Variants in TMEM108 observed in about 807,000 individuals in gnomAD.
The protein encoded by TMEM108 is transmembrane protein 108.
In TMEM108, 12 loss-of-function variants were observed where a neutral mutation model predicts 35.1. The ratio of observed to expected loss-of-function variants is 0.34; its 90% CI spans 0.22 to 0.55. The LOEUF (loss-of-function observed/expected upper bound fraction) is 0.55, where lower values mean the gene tolerates loss of function less well. TMEM108 is among the 20% of genes least tolerant of loss of function. TMEM108 has a pLI of 0.89. For synonymous variants in TMEM108, 287 were observed against 308.6 expected (o/e 0.93, Z 0.73); for missense variants, 680 against 753.3 (o/e 0.90, Z 1.14).
intron 3 of TMEM108, among the ~76,000 whole-genome samples, chr3:133,355,161 A>G (rs777278143): frequency 6.6e-6 from 1 of 152,230 alleles, no homozygotes; most frequent in African/African-American, 2.4e-5. Flanking sequence ...GTGAATGGTT[A>G]TAAAGAAGAA....
intron 2 of TMEM108, among the ~76,000 whole-genome samples, chr3:133,184,294 A>T (rs1447364790): frequency 6.6e-6 from 1 of 152,216 alleles, no homozygotes; most frequent in East Asian, 1.9e-4. Flanking sequence ...ATAACATTTA[A>T]ATTTAATTTA....
chr3:133,221,411 C>G (rs1358021603), intron 2 of TMEM108, among the ~76,000 whole-genome samples: 3 of 152,114 alleles, frequency 2.0e-5, no homozygotes, highest in Non-Finnish European at 2.9e-5. Flanking sequence ...GAACTGGTGC[C>G]AAGACCAAAT....
chr3:133,242,417 T>C (rs1401942807), intron 3 of TMEM108, among the ~76,000 whole-genome samples: 1 of 152,184 alleles, frequency 6.6e-6, no homozygotes, highest in Non-Finnish European at 1.5e-5. Context: ...ATACAGTTTT[T>C]TGGAGAAGTT....
At chr3:133,167,766 C>T (rs930428694) in intron 2 of TMEM108, among the ~76,000 whole-genome samples, 5 of 152,208 alleles carry the variant, frequency 3.3e-5, no homozygotes, top group Non-Finnish European at 5.9e-5. Context: ...TTCCCACCCG[C>T]GCCTCTCCCT....
intron 3 of TMEM108, among the ~76,000 whole-genome samples, chr3:133,315,354 C>G (rs560541056): frequency 2.0e-5 from 3 of 152,298 alleles, no homozygotes; most frequent in African/African-American, 7.2e-5. Context: ...TCCCTCCTCC[C>G]TCCAATCTTT....
chr3:133,196,906 G>C (rs1945586522), intron 2 of TMEM108, among the ~76,000 whole-genome samples: 3 of 152,210 alleles, frequency 2.0e-5, no homozygotes, highest in Admixed American at 6.5e-5. Flanking sequence ...TTTCTCGTTA[G>C]CCAGAATTGT....
intron 4 of TMEM108, chr3:133,387,657 G>A (rs1210240460): frequency 1.4e-6 from 1 of 722,946 alleles, no homozygotes; most frequent in East Asian, 1.3e-4. Context: ...TAAGAATGTA[G>A]GCTGGGGGAA....
intron 2 of TMEM108, among the ~76,000 whole-genome samples, chr3:133,143,477 A>C (rs1209216233): frequency 2.0e-5 from 3 of 152,116 alleles, no homozygotes; most frequent in East Asian, 3.8e-4. Flanking sequence ...GCATCATTTA[A>C]TTTTATCATA....
Position 133,110,634 on chromosome 3 carries a change from T to C in TMEM108, c.-47+64614T>C, listed in dbSNP as rs540950898. Among the ~76,000 whole-genome samples the C allele has an allele frequency of 1.7e-4, 26 of 152,312 alleles. No homozygotes were observed. The South Asian group carries it at 5.4e-3, about 32-fold the overall frequency. Reference sequence around the variant, plus strand: ...GTGAATCCATTGCTGATCTGTGTTATATCACAGGGCCAGAGGGATACTGAG... The same window carrying C: ...GTGAATCCATTGCTGATCTGTGTTACATCACAGGGCCAGAGGGATACTGAG... On this transcript the variant is annotated intron_variant, in intron 2 of 5. Coordinates refer to ENST00000321871, the MANE Select transcript of TMEM108 (RefSeq NM_023943.4).
At chr3:133,375,901 CCT>C (rs1252040991) in intron 3 of TMEM108, among the ~76,000 whole-genome samples, 1 of 152,130 alleles carries the variant, frequency 6.6e-6, no homozygotes, top group African/African-American at 2.4e-5. Context: ...TGCCAGATCC[CCT>C]CTCACTGTAA....
intron 3 of TMEM108, among the ~76,000 whole-genome samples, chr3:133,363,542 ACGACAGGTG>A (rs2072418770): frequency 6.6e-6 from 1 of 151,784 alleles, no homozygotes; most frequent in Non-Finnish European, 1.5e-5. Context: ...AGTAACTGGG[ACGACAGGTG>A]CGCACCACCA....
At chr3:133,205,633 C>G (rs963254242) in intron 2 of TMEM108, among the ~76,000 whole-genome samples, 3 of 152,234 alleles carry the variant, frequency 2.0e-5, no homozygotes, top group Non-Finnish European at 4.4e-5. Context: ...GATCCCCACT[C>G]TCTTCTGGCT....
chr3:133,141,395 A>C (rs1275390063), intron 2 of TMEM108, among the ~76,000 whole-genome samples: 1 of 152,200 alleles, frequency 6.6e-6, no homozygotes, highest in Non-Finnish European at 1.5e-5. Context: ...GGATGGGGCA[A>C]GTGTGGCAGG....
intron 3 of TMEM108, among the ~76,000 whole-genome samples, chr3:133,255,668 T>A (rs1217364141): frequency 1.3e-5 from 2 of 152,134 alleles, no homozygotes; most frequent in Non-Finnish European, 2.9e-5. Flanking sequence ...ATATGCATAC[T>A]CAGATTCTGG....
At chr3:133,338,038 T>C (rs1227188151) in intron 3 of TMEM108, among the ~76,000 whole-genome samples, 3 of 151,816 alleles carry the variant, frequency 2.0e-5, no homozygotes, top group African/African-American at 4.8e-5. Context: ...CAAAAAACAA[T>C]GAAGCACACT....
intron 2 of TMEM108, among the ~76,000 whole-genome samples, chr3:133,176,674 A>G (rs1945235642): frequency 6.6e-6 from 1 of 152,136 alleles, no homozygotes; most frequent in Non-Finnish European, 1.5e-5. Context: ...AGCAGTGTGT[A>G]GAGGGAAATG....
intron 2 of TMEM108, among the ~76,000 whole-genome samples, chr3:133,049,038 C>T (rs1323615982): frequency 1.3e-5 from 2 of 152,186 alleles, no homozygotes; most frequent in East Asian, 1.9e-4. Context: ...CCCAGTGATC[C>T]TGATGGATGC....
intron 2 of TMEM108, among the ~76,000 whole-genome samples, chr3:133,059,642 G>A (rs1173284643): frequency 1.3e-5 from 2 of 152,196 alleles, no homozygotes; most frequent in Non-Finnish European, 1.5e-5. Flanking sequence ...TCTCTGTATA[G>A]TGTATTCTCA....
At chr3:133,249,719 A>G (rs934252775) in intron 3 of TMEM108, among the ~76,000 whole-genome samples, 4 of 152,128 alleles carry the variant, frequency 2.6e-5, no homozygotes, top group African/African-American at 7.2e-5. Flanking sequence ...GTTGATAGGT[A>G]CCTCAGTTGA....
Sources: gnomAD v4.1 joint callset for allele counts (sites outside exome capture counted in the v4.1 genomes callset) on GRCh38, gnomAD v4.1.1 for gene constraint, MANE v1.5 for transcripts, NCBI Gene and HGNC (gene_info 2026-07-23, HGNC 2026-07-21) for gene names.